The following PDE11A variants were observed in gnomAD, a reference collection of about 807,000 sequenced individuals.
PDE11A encodes the protein dual 3',5'-cyclic-AMP and -GMP phosphodiesterase 11A.
In PDE11A, 100 loss-of-function variants were observed where a neutral mutation model predicts 100.5. The observed-to-expected ratio is 1.00, with a 90% CI of 0.85 to 1.18. The LOEUF is 1.18. Ranked by LOEUF, PDE11A falls within the 50% of genes most tolerant of loss-of-function variation. The pLI is 0.00. For missense variants in PDE11A, 1,141 were observed against 1,152.6 expected, an observed-to-expected ratio of 0.99 and a Z score of 0.15; for synonymous variants, 381 against 420.8, an observed-to-expected ratio of 0.91 and a Z score of 1.16.
intron 1 of PDE11A, among the ~76,000 whole-genome samples, chr2:178,016,506 A>G (rs990109682): frequency 2.0e-5 from 3 of 152,188 alleles, no homozygotes; most frequent in Non-Finnish European, 4.4e-5. Flanking sequence ...ATGTCAGGCT[A>G]TGGGCTAGGT....
chr2:177,854,348 A>G (rs1264543849), intron 5 of PDE11A, among the ~76,000 whole-genome samples: 1 of 152,084 alleles, frequency 6.6e-6, no homozygotes, highest in East Asian at 1.9e-4. Context: ...ACATATGGGT[A>G]AGAGGTAAAG....
chr2:177,876,732 C>T (rs76338508), intron 4 of PDE11A, among the ~76,000 whole-genome samples: 3,573 of 148,194 alleles, frequency 0.024, 290 homozygotes, highest in Middle Eastern at 0.099. Context: ...AATAAGGCAA[C>T]TGGCATGAAA....
intron 1 of PDE11A, among the ~76,000 whole-genome samples, chr2:178,070,058 T>C (rs1315974101): frequency 1.3e-5 from 2 of 152,186 alleles, no homozygotes; most frequent in African/African-American, 4.8e-5. Context: ...GAAATAATAA[T>C]TTGTGACAAA....
intron 1 of PDE11A, among the ~76,000 whole-genome samples, chr2:178,017,114 T>A (rs1284534711): frequency 6.6e-6 from 1 of 152,266 alleles, no homozygotes; most frequent in Non-Finnish European, 1.5e-5. Context: ...ACAATAATAT[T>A]TTTTAAATAA....
chr2:177,629,255 C>A lies in PDE11A; in HGVS notation c.*152G>T. 1.3e-6 allele frequency: 1 copy of A among 750,604 alleles called. No homozygotes were observed. Among genetic ancestry groups the A allele is most frequent in the Non-Finnish European group, 2.4e-6 (1 of 418,948 alleles). The allele number at this position is 750,604 out of a possible 1,614,324, so 46.5% of individuals were successfully genotyped here. On this transcript the variant is annotated 3_prime_UTR_variant, in exon 20 of 20. Coordinates refer to ENST00000286063, the MANE Select transcript of PDE11A (RefSeq NM_016953.4). The stretch of plus-strand genomic sequence containing the variant: ...TTCCCGTTGCTCTCTCTGCTGCTGA[C>A]CATGCTTCAAGGTGAAAGCCCAGGC...
At chr2:177,979,611 C>CTTTT (rs57168619) in intron 2 of PDE11A, among the ~76,000 whole-genome samples, 1 of 106,882 alleles carries the variant, frequency 9.4e-6, no homozygotes, top group Non-Finnish European at 1.8e-5. Flanking sequence ...CTCAGATGAT[C>CTTTT]TTTTTTTTTT....
intron 7 of PDE11A, among the ~76,000 whole-genome samples, chr2:177,818,311 GTATA>G (rs72106214): frequency 4.3e-5 from 6 of 139,836 alleles, no homozygotes; most frequent in Admixed American, 2.2e-4. Context: ...ATATATGTGT[GTATA>G]TATATATATA....
intron 2 of PDE11A, among the ~76,000 whole-genome samples, chr2:178,101,711 C>T (rs1248924975): frequency 3.9e-5 from 6 of 152,110 alleles, no homozygotes; most frequent in Non-Finnish European, 7.4e-5. Flanking sequence ...AAACATACTC[C>T]GGTCACTCTA....
intron 10 of PDE11A, among the ~76,000 whole-genome samples, chr2:177,744,358 A>G (rs1332887770): frequency 1.4e-5 from 2 of 147,504 alleles, no homozygotes; most frequent in African/African-American, 2.5e-5. Context: ...TTTTTACTAT[A>G]TGACTTTAGA....
At chr2:178,057,216 T>C (rs1483156463) in intron 1 of PDE11A, among the ~76,000 whole-genome samples, 1 of 152,178 alleles carries the variant, frequency 6.6e-6, no homozygotes, top group African/African-American at 2.4e-5. Context: ...TTTAGAAGAA[T>C]TGCGGGGGTT....
At chr2:177,809,515 A>G (rs2082917475) in intron 9 of PDE11A, among the ~76,000 whole-genome samples, 1 of 152,188 alleles carries the variant, frequency 6.6e-6, no homozygotes, top group Admixed American at 6.5e-5. Context: ...AGCTCATTAC[A>G]AAAAGAAAAT....
Position 177,626,368 on chromosome 2 carries a change from G to C in PDE11A, c.*3039C>G, listed in dbSNP as rs1374590615. On this transcript the variant is annotated 3_prime_UTR_variant, in exon 20 of 20. Transcript: ENST00000286063. Reference sequence around the variant, plus strand: ...CTATTTATTTATTTATTGTTGGGGAGGATAACAGATGTGGGCTCATCTCTG... The same window carrying C: ...CTATTTATTTATTTATTGTTGGGGACGATAACAGATGTGGGCTCATCTCTG... 1 of 152,556 alleles carries C rather than the reference G, an allele frequency of 6.6e-6. No individual in the cohort carries two copies. The highest frequency in any genetic ancestry group is 1.5e-5 in the Non-Finnish European group (1 of 68,030). The allele number at this position is 152,556 out of a possible 1,614,324, so 9.5% of individuals were successfully genotyped here. A position where few individuals can be genotyped will look rare whatever the true frequency, so the allele number is the denominator to read the frequency against.
intron 10 of PDE11A, among the ~76,000 whole-genome samples, chr2:177,758,396 A>G (rs3821007): frequency 0.068 from 10,259 of 151,376 alleles, 388 homozygotes; most frequent in Middle Eastern, 0.16. Context: ...TGTATTGACT[A>G]TAGATGTTCT....
At chr2:177,669,937 T>A (rs1177687199) in intron 17 of PDE11A, among the ~76,000 whole-genome samples, 1 of 152,236 alleles carries the variant, frequency 6.6e-6, no homozygotes, top group Non-Finnish European at 1.5e-5. Flanking sequence ...TATTATGTAA[T>A]GATAGTTTAG....
intron 15 of PDE11A, chr2:177,687,992 A>G (rs895371760): frequency 6.6e-6 from 1 of 152,208 alleles, no homozygotes; most frequent in Non-Finnish European, 1.5e-5. Flanking sequence ...GAAATCTTCT[A>G]TAAGGAAGAA....
chr2:178,088,581 T>A (rs1406708610), intron 2 of PDE11A, among the ~76,000 whole-genome samples: 1 of 152,224 alleles, frequency 6.6e-6, no homozygotes, highest in Non-Finnish European at 1.5e-5. Context: ...AATCTCACAT[T>A]TTCACTTTAA....
At chr2:178,043,717 GT>G (rs2086710980) in intron 1 of PDE11A, among the ~76,000 whole-genome samples, 3 of 152,118 alleles carry the variant, frequency 2.0e-5, no homozygotes, top group Admixed American at 2.0e-4. Context: ...CTGTGCCAGA[GT>G]TTTGCACACA....
intron 2 of PDE11A, among the ~76,000 whole-genome samples, chr2:177,967,144 A>G (rs2085708021): frequency 6.7e-6 from 1 of 148,968 alleles, no homozygotes; most frequent in South Asian, 2.1e-4. Context: ...GGTGTTTGTA[A>G]TAGTTTCTGA....
intron 4 of PDE11A, among the ~76,000 whole-genome samples, chr2:177,896,319 G>T (rs763001797): frequency 4.6e-5 from 7 of 152,148 alleles, no homozygotes; most frequent in Non-Finnish European, 1.0e-4. Flanking sequence ...TTGGTCATTT[G>T]CCAAAGAGTT....
Sources: gnomAD v4.1 joint callset for allele counts (sites outside exome capture counted in the v4.1 genomes callset) on GRCh38, gnomAD v4.1.1 for gene constraint, MANE v1.5 for transcripts, NCBI Gene and HGNC (gene_info 2026-07-23, HGNC 2026-07-21) for gene names.